The following TAP2 variants were observed in gnomAD, a reference collection of about 807,000 sequenced individuals.
TAP2 encodes transporter 2, ATP binding cassette subfamily B member, also known as antigen peptide transporter 2.
TAP2 carries 49 observed loss-of-function variants against 74.7 expected under a neutral mutation model. That is an observed-to-expected ratio of 0.66 (90% CI 0.52 to 0.83). TAP2 has a LOEUF of 0.83. TAP2 is among the 40% of genes least tolerant of loss of function. The probability of loss-of-function intolerance (pLI) is 0.00; values close to 1 mark genes in which losing one functional copy is unlikely to be tolerated. For missense variants in TAP2, 739 were observed against 859.0 expected (o/e 0.86, Z 1.75); for synonymous variants, 306 against 368.4 (o/e 0.83, Z 1.94).
rs1768590223 is a variant in TAP2, at chr6:32,825,551, G to A, written c.*3355C>T. On this transcript the variant is annotated 3_prime_UTR_variant, in exon 12 of 12. Coordinates refer to ENST00000374897, the MANE Select transcript of TAP2 (RefSeq NM_001290043.2). ...TGCTTAATACACAGTAAACTTCTCT[G>A]GAAAGATAAACACAAAGCTGGAAGA... The A allele has an allele frequency of 6.6e-6, 1 of 152,166 alleles. No individual in the cohort carries two copies. Among genetic ancestry groups the A allele is most frequent in the Non-Finnish European group, 1.5e-5 (1 of 68,016 alleles). The allele number at this position is 152,166 out of a possible 1,614,324, so 9.4% of individuals were successfully genotyped here. A position where few individuals can be genotyped will look rare whatever the true frequency, so the allele number is the denominator to read the frequency against.
chr6:32,827,862 G>A lies in TAP2; in HGVS notation c.*1044C>T. 1.2e-6 allele frequency: 1 copy of A among 865,352 alleles called. No homozygotes were observed. The highest frequency in any genetic ancestry group is 1.3e-6 in the Non-Finnish European group (1 of 751,572). The allele number at this position is 865,352 out of a possible 1,614,324, so 53.6% of individuals were successfully genotyped here. On this transcript the variant is annotated 3_prime_UTR_variant, in exon 12 of 12. Transcript: ENST00000374897. ...TGTGAAGAATGGCCGGAAGAGGGAA[G>A]CTAATGGTAGAGAAACCTCTCTGGT...
At chr6:32,822,371 C>A, downstream of TAP2, 2 of 1,166,214 alleles carry the variant, frequency 1.7e-6, no homozygotes, top group Non-Finnish European at 2.5e-6. Context: ...GTTTTTTAAT[C>A]TGTGCTAGAA....
rs1768726054 is a variant in TAP2, at chr6:32,827,402, A to G, written c.*1504T>C. The G allele has an allele frequency of 1.1e-6, 1 of 916,602 alleles. No individual in the cohort carries two copies. Among genetic ancestry groups the G allele is most frequent in the Non-Finnish European group, 1.3e-6 (1 of 767,508 alleles). The allele number at this position is 916,602 out of a possible 1,614,324, so 56.8% of individuals were successfully genotyped here. On this transcript the variant is annotated 3_prime_UTR_variant, in exon 12 of 12. Coordinates refer to ENST00000374897, the MANE Select transcript of TAP2 (RefSeq NM_001290043.2). Reference sequence around the variant, plus strand: ...GGCCAGGTAGCAGATATAAAGCTTAATAAGATATATGGCTTTCCGCCCAGG... The same window carrying G: ...GGCCAGGTAGCAGATATAAAGCTTAGTAAGATATATGGCTTTCCGCCCAGG...
downstream of TAP2, chr6:32,822,127 G>A: frequency 1.6e-6 from 1 of 624,418 alleles, no homozygotes; most frequent in Non-Finnish European, 2.8e-6. Context: ...CTTTGGGATA[G>A]GTGGACTCAC....
Position 32,828,846 on chromosome 6 carries a change from C to T in TAP2, c.*60G>A. The T allele has an allele frequency of 6.6e-7, 1 of 1,514,140 alleles. No homozygotes were observed. Among genetic ancestry groups the T allele is most frequent in the Non-Finnish European group, 8.9e-7 (1 of 1,123,932 alleles). The allele number at this position is 1,514,140 out of a possible 1,614,324, so 93.8% of individuals were successfully genotyped here. A position where few individuals can be genotyped will look rare whatever the true frequency, so the allele number is the denominator to read the frequency against. On this transcript the variant is annotated 3_prime_UTR_variant, in exon 12 of 12. Transcript: ENST00000374897. Reference sequence around the variant, plus strand: ...GCCCCTGAGAAGAGGGCCCAGTATCCCTGGGGCCTCAGTCCATCAGCCGCT... The same window carrying T: ...GCCCCTGAGAAGAGGGCCCAGTATCTCTGGGGCCTCAGTCCATCAGCCGCT...
chr6:32,835,429 TG>T lies in TAP2; in HGVS notation c.740-71del. ...TGCAGGGCCCCCAGAAACTCCCTCC[TG>T]ACCGTTCCCTCTGACACAGCCCCCT... On this transcript the variant is annotated intron_variant, in intron 4 of 11. Transcript: ENST00000374897. This position sits in a 1 kb window ranked among gnomAD's most constrained non-coding sequence, Gnocchi z 4.0. 2 of 1,552,216 alleles carry T rather than the reference TG, an allele frequency of 1.3e-6. No individual in the cohort carries two copies. The highest frequency in any genetic ancestry group is 1.8e-6 in the Non-Finnish European group (2 of 1,129,560).
rs756204249 is a variant in TAP2, at chr6:32,838,167, G to A, written c.67C>T (p.Leu23Phe). ...AGCAAAGTCCCCAGAGGGCCCTGAA[G>A]CAGCCACAGTAAAGCCGCGTCCACC... ...LLVDAALLWL[L>F]QGPLGTLLPQ... The change falls in exon 2 of 12, where the codon CTT becomes TTT. Residue 23 changes from leucine to phenylalanine, a missense_variant. By Grantham distance (22) the Leu-to-Phe change is conservative (BLOSUM62 0). Transcript: ENST00000374897. The A allele has an allele frequency of 6.2e-7, 1 of 1,600,576 alleles. No individual in the cohort carries two copies. The highest frequency in any genetic ancestry group is 8.5e-7 in the Non-Finnish European group (1 of 1,172,876).
At chr6:32,834,935 TTTG>T (rs143970236) in intron 5 of TAP2, among the ~76,000 whole-genome samples, 13,245 of 152,250 alleles carry the variant, frequency 0.087, 657 homozygotes, top group Non-Finnish European at 0.1. Context: ...ACTTTACATT[TTTG>T]TTTACAGTTC....
chr6:32,831,544 CA>C (rs957887953), intron 7 of TAP2, among the ~76,000 whole-genome samples: 1 of 151,576 alleles, frequency 6.6e-6, no homozygotes, highest in Non-Finnish European at 1.5e-5. Context: ...GGAAAAAGAC[CA>C]AAAAAAACCC....
At chr6:32,822,386 T>C, downstream of TAP2, 1 of 1,039,712 alleles carries the variant, frequency 9.6e-7, no homozygotes, top group Non-Finnish European at 1.4e-6. Context: ...CTAGAATCTG[T>C]TTGCAATGTT....
In TAP2 at chr6:32,835,796, G is replaced by A. The variant is rs771771105; in HGVS notation, c.609-23C>T. The A allele has an allele frequency of 1.7e-5, 28 of 1,613,014 alleles. No individual in the cohort carries two copies. Among genetic ancestry groups the A allele is most frequent in the African/African-American group, 2.7e-5 (2 of 74,912 alleles). The stretch of plus-strand genomic sequence containing the variant: ...GAGCTGTGGGGTAGGAGAATAAGAG[G>A]GGAGGGAGATGCAGAGAAGGAGCAA... On this transcript the variant is annotated intron_variant, in intron 3 of 11. Coordinates refer to ENST00000374897, the MANE Select transcript of TAP2 (RefSeq NM_001290043.2). The surrounding 1 kb of genome is among the most constrained non-coding windows in gnomAD (Gnocchi z 4.0).
At position 32,835,049 on chromosome 6, in the gene TAP2, A is replaced by G; in HGVS notation, c.945+105T>C. On this transcript the variant is annotated intron_variant, in intron 5 of 11. Coordinates refer to ENST00000374897, the MANE Select transcript of TAP2 (RefSeq NM_001290043.2). The surrounding 1 kb of genome is among the most constrained non-coding windows in gnomAD (Gnocchi z 4.0). ...AATATACCTTCTCCCCTAATGGCTGAGAAGAGAACATCTCTCTCTAGGGGA... is the reference window on the plus strand; with the variant it reads ...AATATACCTTCTCCCCTAATGGCTGGGAAGAGAACATCTCTCTCTAGGGGA... The G allele has an allele frequency of 2.5e-6, 3 of 1,213,582 alleles. No homozygotes were observed. In the South Asian group the frequency reaches 3.8e-5, roughly 15 times the overall value. 75.2% of individuals were successfully genotyped at this position (1,213,582 alleles called of 1,614,324 possible).
chr6:32,835,830 G>A lies in TAP2; in HGVS notation c.609-57C>T. The A allele has an allele frequency of 6.2e-7, 1 of 1,611,820 alleles. No homozygotes were observed. The highest frequency in any genetic ancestry group is 1.1e-5 in the South Asian group (1 of 91,056). ...ATGCAGAGAAGGAGCAAGCCAGCGG[G>A]TGAAACAGAGGAGCAAGCCAGGAGT... On this transcript the variant is annotated intron_variant, in intron 3 of 11. Transcript: ENST00000374897. This position sits in a 1 kb window ranked among gnomAD's most constrained non-coding sequence, Gnocchi z 4.0.
At position 32,837,774 on chromosome 6, in the gene TAP2, C is replaced by T; in HGVS notation, c.460G>A (p.Ala154Thr). 2.5e-6 allele frequency: 4 copies of T among 1,614,196 alleles called. No homozygotes were observed. Among genetic ancestry groups the T allele is most frequent in the Non-Finnish European group, 2.5e-6 (3 of 1,180,034 alleles). Reference sequence around the variant, plus strand: ...GCAAGGACAAGGAAGAAGAAGGCGGCAACGAGGAGAGGCAGGTCCGGCCTG... The same window carrying T: ...GCAAGGACAAGGAAGAAGAAGGCGGTAACGAGGAGAGGCAGGTCCGGCCTG... ...LSRPDLPLLV[A>T]AFFFLVLAVL... Residue 154 changes from alanine (A) to threonine (T), a missense_variant, in exon 2 of 12, where the codon GCC becomes ACC. Transcript: ENST00000374897.
At chr6:32,829,565 C>T (rs948521251) in intron 10 of TAP2, 29 bp from the exon 11 acceptor site, 1 of 1,613,814 alleles carries the variant, frequency 6.2e-7, no homozygotes. Context: ...TTCCCTTCCT[C>T]AGATACAAGT....
Position 32,832,731 on chromosome 6 carries a change from C to T in TAP2, c.1039G>A (p.Ala347Thr). 1 of 1,613,092 alleles carries T rather than the reference C, an allele frequency of 6.2e-7. No individual in the cohort carries two copies. The change falls in exon 6 of 12, where the codon GCC becomes ACC. Residue 347 changes from alanine (A) to threonine (T), a missense_variant. Coordinates refer to ENST00000374897, the MANE Select transcript of TAP2 (RefSeq NM_001290043.2). The surrounding 1 kb of genome is among the most constrained non-coding windows in gnomAD (Gnocchi z 5.9). ...TAGCGACAGACTTCATGCTCCTCGG[C>T]CCCAAAACTGCGAACGGTCTGCAGC... ...GGLQTVRSFGAEEHEVCRYKE... is the reference protein window; with the variant it reads ...GGLQTVRSFGTEEHEVCRYKE...
At position 32,827,549 on chromosome 6, in the gene TAP2, A is replaced by G. The variant is rs772153870; in HGVS notation, c.*1357T>C. The G allele has an allele frequency of 9.4e-6, 3 of 319,416 alleles. No individual in the cohort carries two copies. Among genetic ancestry groups the G allele is most frequent in the Non-Finnish European group, 1.4e-5 (3 of 221,946 alleles). 19.8% of individuals were successfully genotyped at this position (319,416 alleles called of 1,614,324 possible). A position where few individuals can be genotyped will look rare whatever the true frequency, so the allele number is the denominator to read the frequency against. On this transcript the variant is annotated 3_prime_UTR_variant, in exon 12 of 12. Transcript: ENST00000374897. ...ATGGAGAGTTCCCCAGACTGACGAC[A>G]TAAGTAAGGCCTCCTGGAAGACCTG...
chr6:32,822,332 A>C (rs1455036983), downstream of TAP2: 14 of 1,492,514 alleles, frequency 9.4e-6, no homozygotes, highest in Non-Finnish European at 1.3e-5. Flanking sequence ...GAAAAAAAAA[A>C]CAAAAAAAAC....
downstream of TAP2, among the ~76,000 whole-genome samples, chr6:32,824,756 A>C (rs73410785): frequency 0.036 from 5,515 of 152,194 alleles, 115 homozygotes; most frequent in African/African-American, 0.049. Context: ...GCAGCATCTG[A>C]AGGTAATCAA....
Sources: allele counts gnomAD v4.1 joint callset (sites outside exome capture counted in the v4.1 genomes callset), GRCh38; gene constraint gnomAD v4.1.1; non-coding constraint Gnocchi (gnomAD v3.1); transcripts MANE v1.5; gene names NCBI Gene and HGNC (gene_info 2026-07-23, HGNC 2026-07-21).